The following CCDC102B variants were observed in gnomAD, a reference collection of about 807,000 sequenced individuals.
CCDC102B encodes the protein coiled-coil domain-containing protein 102B.
In CCDC102B, 75 loss-of-function variants were observed where a neutral mutation model predicts 57.4. That is an observed-to-expected ratio of 1.31 (90% CI 1.08 to 1.58). CCDC102B has a LOEUF of 1.58. Among genes scored for constraint, CCDC102B ranks in the 40% most tolerant of loss-of-function variants. The probability of loss-of-function intolerance (pLI) is 0.00; values close to 1 mark genes in which losing one functional copy is unlikely to be tolerated. For missense variants in CCDC102B, 636 were observed against 582.6 expected, an observed-to-expected ratio of 1.09 and a Z score of -0.94; for synonymous variants, 206 against 201.9, an observed-to-expected ratio of 1.02 and a Z score of -0.17.
chr18:68,957,251 T>C (rs1381001873), intron 6 of CCDC102B, among the ~76,000 whole-genome samples: 2 of 152,070 alleles, frequency 1.3e-5, no homozygotes, highest in Admixed American at 1.3e-4. Flanking sequence ...AATAGTTTCA[T>C]AGTGTGATGC....
chr18:68,793,956 T>C, upstream of CCDC102B, among the ~76,000 whole-genome samples: 1 of 152,158 alleles, frequency 6.6e-6, no homozygotes, highest in East Asian at 1.9e-4. Flanking sequence ...TGATTTCTTC[T>C]GGACCTCCCA....
intron 3 of CCDC102B, among the ~76,000 whole-genome samples, chr18:68,844,384 TA>T (rs2037765573): frequency 1.3e-5 from 2 of 151,764 alleles, no homozygotes; most frequent in African/African-American, 2.4e-5. Context: ...AAATCTTTTA[TA>T]AAAATATTTT....
intron 2 of CCDC102B, among the ~76,000 whole-genome samples, chr18:68,764,551 C>T (rs2034361687): frequency 6.6e-6 from 1 of 152,080 alleles, no homozygotes. Context: ...AAACAATAAC[C>T]TTCAAACTAC....
intron 4 of CCDC102B, among the ~76,000 whole-genome samples, chr18:68,858,671 A>C (rs1751048027): frequency 6.6e-6 from 1 of 152,068 alleles, no homozygotes; most frequent in Non-Finnish European, 1.5e-5. Flanking sequence ...TCAGTTTTCC[A>C]GTGTTATTCT....
At chr18:69,047,678 C>G (rs1273465007) in intron 7 of CCDC102B, among the ~76,000 whole-genome samples, 2 of 152,064 alleles carry the variant, frequency 1.3e-5, no homozygotes, top group Non-Finnish European at 2.9e-5. Context: ...ATCTGATAAA[C>G]AACTTCAGCA....
At chr18:68,764,750 CT>C (rs1406986256) in intron 2 of CCDC102B, among the ~76,000 whole-genome samples, 1 of 152,020 alleles carries the variant, frequency 6.6e-6, no homozygotes, top group African/African-American at 2.4e-5. Flanking sequence ...TCAACACTTT[CT>C]AGCCTAGAAT....
At chr18:69,056,584 C>A (rs1341494499), downstream of CCDC102B, among the ~76,000 whole-genome samples, 2 of 151,076 alleles carry the variant, frequency 1.3e-5, no homozygotes, top group African/African-American at 4.9e-5. Context: ...AGACATCCTG[C>A]CTACCATGGT....
Position 68,921,842 on chromosome 18 carries a change from G to A in CCDC102B, c.1263+24414G>A, listed in dbSNP as rs184277089. On this transcript the variant is annotated intron_variant, in intron 6 of 7. Coordinates refer to ENST00000360242, the MANE Select transcript of CCDC102B (RefSeq NM_024781.3). ...TGTAGCCACGTGAGAGCTATGTCAGGCTTCTGACCTCCAGAATTCCAAGAT... is the reference window on the plus strand; with the variant it reads ...TGTAGCCACGTGAGAGCTATGTCAGACTTCTGACCTCCAGAATTCCAAGAT... 1.8e-3 allele frequency among the ~76,000 whole-genome samples: 279 copies of A among 152,226 alleles called. 1 individual carries two copies. The highest frequency in any genetic ancestry group is 3.6e-3 in the Non-Finnish European group (247 of 68,004).
intron 6 of CCDC102B, among the ~76,000 whole-genome samples, chr18:68,978,421 T>C (rs2145283288): frequency 6.6e-6 from 1 of 152,050 alleles, no homozygotes; most frequent in African/African-American, 2.4e-5. Context: ...GTTAAATTAG[T>C]GAAGATCAGA....
At chr18:68,989,739 C>T (rs1325069242) in intron 6 of CCDC102B, among the ~76,000 whole-genome samples, 3 of 152,166 alleles carry the variant, frequency 2.0e-5, no homozygotes, top group Non-Finnish European at 2.9e-5. Context: ...GAGAGGAAAG[C>T]GGAAAAATAA....
Position 68,930,434 on chromosome 18 carries a change from C to A in CCDC102B, c.1263+33006C>A, listed in dbSNP as rs529130249. Among the ~76,000 whole-genome samples the A allele has an allele frequency of 1.4e-3, 205 of 151,814 alleles. 2 individuals carry two copies. Among genetic ancestry groups the A allele is most frequent in the Non-Finnish European group, 1.0e-3 (68 of 67,870 alleles). ...TGGTAAAGTAATACAGTAAGTAACA[C>A]AAGGAAAATCAGTGACCAGCACCTC... On this transcript the variant is annotated intron_variant, in intron 6 of 7. Coordinates refer to ENST00000360242, the MANE Select transcript of CCDC102B (RefSeq NM_024781.3).
intron 6 of CCDC102B, among the ~76,000 whole-genome samples, chr18:68,900,601 C>T (rs545864922): frequency 2.0e-5 from 3 of 152,038 alleles, no homozygotes; most frequent in East Asian, 3.9e-4. Context: ...ATAGTGGCAT[C>T]GAAAGTGGGG....
intron 6 of CCDC102B, among the ~76,000 whole-genome samples, chr18:68,997,372 C>G (rs2051058573): frequency 2.0e-5 from 3 of 152,182 alleles, no homozygotes; most frequent in African/African-American, 7.2e-5. Context: ...CCTCATCTTA[C>G]TTGGATGAGT....
intron 7 of CCDC102B, among the ~76,000 whole-genome samples, chr18:69,026,439 C>G (rs1223300243): frequency 6.7e-6 from 1 of 148,364 alleles, no homozygotes; most frequent in East Asian, 2.0e-4. Flanking sequence ...TGCACTCACT[C>G]CAGCCTGAAC....
intron 4 of CCDC102B, among the ~76,000 whole-genome samples, chr18:68,872,364 G>A (rs1464388527): frequency 6.6e-6 from 1 of 152,020 alleles, no homozygotes; most frequent in East Asian, 1.9e-4. Context: ...CAGGCACCGG[G>A]ACCAAACTTC....
chr18:68,894,371 T>C (rs753801766), intron 5 of CCDC102B, among the ~76,000 whole-genome samples: 13 of 152,084 alleles, frequency 8.5e-5, no homozygotes, highest in Non-Finnish European at 1.8e-4. Flanking sequence ...CAGTAATTTC[T>C]GCATTATCTG....
intron 4 of CCDC102B, among the ~76,000 whole-genome samples, chr18:68,860,361 G>T (rs1395998982): frequency 2.4e-5 from 1 of 42,142 alleles, no homozygotes; most frequent in Non-Finnish European, 5.8e-5. Context: ...TAGGTGACAC[G>T]TTAGTGGGTG....
chr18:68,782,512 T>C (rs2035040780), intron 2 of CCDC102B, among the ~76,000 whole-genome samples: 1 of 152,190 alleles, frequency 6.6e-6, no homozygotes, highest in Admixed American at 6.5e-5. Context: ...GCACTGCATA[T>C]TTCTTTTTCA....
intron 6 of CCDC102B, among the ~76,000 whole-genome samples, chr18:68,969,247 C>A (rs1457182982): frequency 6.6e-6 from 1 of 152,186 alleles, no homozygotes; most frequent in Non-Finnish European, 1.5e-5. Context: ...AGAACGGATG[C>A]AGAGCCCAGG....
Sources: gnomAD v4.1 joint callset for allele counts (sites outside exome capture counted in the v4.1 genomes callset) on GRCh38, gnomAD v4.1.1 for gene constraint, MANE v1.5 for transcripts, NCBI Gene and HGNC (gene_info 2026-07-23, HGNC 2026-07-21) for gene names.